Variants in CLASP2 observed in about 807,000 individuals in gnomAD.
The protein encoded by CLASP2 is cytoplasmic linker associated protein 2, also known as CLIP-associating protein 2.
Under a neutral mutation model 194.4 loss-of-function variants are expected in CLASP2, and 47 were observed. The observed-to-expected ratio is 0.24, with a 90% confidence interval of 0.19 to 0.31. The LOEUF is 0.31. Ranked by LOEUF, CLASP2 falls within the 10% of genes least tolerant of loss-of-function variation. The pLI is 1.00. For synonymous variants in CLASP2, 619 were observed against 633.5 expected (o/e 0.98, Z 0.34); for missense variants, 1,445 against 1,823.6 (o/e 0.79, Z 3.78).
chr3:33,607,196 C>T (rs1242172197), intron 15 of CLASP2, among the ~76,000 whole-genome samples, 188 bp downstream of exon 15: 1 of 152,200 alleles, frequency 6.6e-6, no homozygotes, highest in Admixed American at 6.5e-5. Context: ...CTGATGATTA[C>T]ATGTCAGTGG....
chr3:33,700,559 T>C (rs1575684933), intron 1 of CLASP2, among the ~76,000 whole-genome samples: 1 of 151,232 alleles, frequency 6.6e-6, no homozygotes, highest in East Asian at 2.0e-4. Flanking sequence ...AAAAAATCAA[T>C]TGTGGGCCAG....
intron 34 of CLASP2, among the ~76,000 whole-genome samples, chr3:33,526,771 C>A (rs973155152): frequency 6.6e-6 from 1 of 152,088 alleles, no homozygotes; most frequent in Non-Finnish European, 1.5e-5. Context: ...CAAAATCATA[C>A]CAGACACAAG....
rs2045909765 is a variant in CLASP2, at chr3:33,497,218, C to G, written c.*1413G>C. ...TGTCTTAAATTCTTTACATATATTT[C>G]TACATTTTTTTCAGTTAAACAAAGT... On this transcript the variant is annotated 3_prime_UTR_variant, in exon 39 of 39. Transcript: ENST00000682230. 1 of 152,466 alleles carries G rather than the reference C, an allele frequency of 6.6e-6. No individual in the cohort carries two copies. Among genetic ancestry groups the G allele is most frequent in the African/African-American group, 2.4e-5 (1 of 41,432 alleles). 9.4% of individuals were successfully genotyped at this position (152,466 alleles called of 1,614,324 possible). A position where few individuals can be genotyped will look rare whatever the true frequency, so the allele number is the denominator to read the frequency against.
At chr3:33,688,236 T>C (rs2090939900) in intron 4 of CLASP2, 41 bp downstream of exon 4, 1 of 1,441,362 alleles carries the variant, frequency 6.9e-7, no homozygotes, top group Non-Finnish European at 9.3e-7. Context: ...TTTAGAGAAA[T>C]AAAAAACAAG....
intron 29 of CLASP2, chr3:33,559,090 A>C (rs4504126): frequency 0.03 from 19,155 of 645,406 alleles, 477 homozygotes; most frequent in African/African-American, 0.1. Context: ...AGTTAAGAAA[A>C]GAAATAATGC....
chr3:33,639,516 T>A (rs770968486), intron 8 of CLASP2, among the ~76,000 whole-genome samples: 15 of 152,222 alleles, frequency 9.9e-5, no homozygotes, highest in Non-Finnish European at 2.2e-4. Flanking sequence ...AAACCTTGTA[T>A]AATAAAATGT....
At chr3:33,660,612 A>G (rs2085147045) in intron 7 of CLASP2, among the ~76,000 whole-genome samples, 1 of 152,234 alleles carries the variant, frequency 6.6e-6, no homozygotes, top group South Asian at 2.1e-4. Flanking sequence ...AGACACACCA[A>G]AAAATTTTGT....
At chr3:33,540,544 T>G (rs1186958793) in intron 32 of CLASP2, among the ~76,000 whole-genome samples, 1 of 152,102 alleles carries the variant, frequency 6.6e-6, no homozygotes, top group East Asian at 1.9e-4. Flanking sequence ...GCTCTATATG[T>G]TATAGACATG....
intron 7 of CLASP2, among the ~76,000 whole-genome samples, chr3:33,652,080 CAT>C (rs1455612004): frequency 6.7e-6 from 1 of 149,558 alleles, no homozygotes; most frequent in Non-Finnish European, 1.5e-5. Flanking sequence ...TACCACATCT[CAT>C]AGAAAAAAAT....
At chr3:33,645,434 G>A in intron 7 of CLASP2, 3 of 726,680 alleles carry the variant, frequency 4.1e-6, no homozygotes, top group Non-Finnish European at 7.5e-6. Context: ...AACAACCACA[G>A]AACCACCACT....
chr3:33,634,014 G>A (rs961197339), intron 8 of CLASP2, among the ~76,000 whole-genome samples: 3 of 152,010 alleles, frequency 2.0e-5, no homozygotes, highest in Admixed American at 6.6e-5. Flanking sequence ...AACATAACCC[G>A]AGCAAGATAA....
At position 33,497,467 on chromosome 3, in the gene CLASP2, A is replaced by C. The variant is rs9311015; in HGVS notation, c.*1164T>G. On this transcript the variant is annotated 3_prime_UTR_variant, in exon 39 of 39. Coordinates refer to ENST00000682230, the MANE Select transcript of CLASP2 (RefSeq NM_001365631.1). ...GAGGTGATTAAAAAAATTTGCTAAA[A>C]AGTAACAGAAAATCACCCTTTAAGT... is the stretch of plus-strand genomic sequence containing the variant. 6,790 of 152,696 alleles carry C rather than the reference A, an allele frequency of 0.044. 245 individuals are homozygous for C. The highest frequency in any genetic ancestry group is 0.1 in the African/African-American group (4,329 of 41,538). 9.5% of individuals were successfully genotyped at this position (152,696 alleles called of 1,614,324 possible).
intron 23 of CLASP2, chr3:33,577,372 A>G: frequency 1.2e-6 from 1 of 822,250 alleles, no homozygotes; most frequent in Non-Finnish European, 1.9e-6. Context: ...GTTATTCTTT[A>G]TAGTTAATGA....
chr3:33,675,648 T>C (rs1038164004), intron 6 of CLASP2, among the ~76,000 whole-genome samples: 17 of 149,874 alleles, frequency 1.1e-4, no homozygotes, highest in Non-Finnish European at 2.2e-4. Flanking sequence ...AGTCAAATTG[T>C]CCCTGTTTGC....
chr3:33,580,790 C>T (rs1360549007), intron 23 of CLASP2, among the ~76,000 whole-genome samples: 5 of 151,620 alleles, frequency 3.3e-5, no homozygotes, highest in South Asian at 4.2e-4. Flanking sequence ...CCGAGGCGGG[C>T]GGATCATGAG....
intron 32 of CLASP2, among the ~76,000 whole-genome samples, chr3:33,540,334 T>G (rs957020540): frequency 2.6e-5 from 4 of 151,546 alleles, no homozygotes; most frequent in Admixed American, 6.6e-5. Context: ...ACTCCTAGGC[T>G]TAAATAATCA....
At chr3:33,554,316 C>G (rs1416993491) in intron 29 of CLASP2, among the ~76,000 whole-genome samples, 2 of 151,414 alleles carry the variant, frequency 1.3e-5, no homozygotes, top group East Asian at 3.9e-4. Flanking sequence ...CAATGGAATA[C>G]TATTCAGCCT....
intron 5 of CLASP2, among the ~76,000 whole-genome samples, chr3:33,686,345 G>C (rs1236748447): frequency 6.6e-6 from 1 of 152,084 alleles, no homozygotes; most frequent in Admixed American, 6.5e-5. Flanking sequence ...CCTGTTCAAG[G>C]ACCACAACAG....
intron 29 of CLASP2, 88 bp downstream of exon 29, chr3:33,559,219 C>T: frequency 2.2e-6 from 2 of 899,304 alleles, no homozygotes. Flanking sequence ...AACAGCTTCT[C>T]ATGTGACAGA....
Sources: allele counts gnomAD v4.1 joint callset (sites outside exome capture counted in the v4.1 genomes callset), GRCh38; gene constraint gnomAD v4.1.1; transcripts MANE v1.5; gene names NCBI Gene and HGNC (gene_info 2026-07-23, HGNC 2026-07-21).